Variants in SCAMP1 observed in about 807,000 individuals in gnomAD.
SCAMP1 encodes secretory carrier-associated membrane protein 1.
In SCAMP1, 15 loss-of-function variants were observed where a neutral mutation model predicts 41.8. The ratio of observed to expected loss-of-function variants is 0.36; its 90% confidence interval spans 0.24 to 0.55. The LOEUF (loss-of-function observed/expected upper bound fraction) is 0.55. SCAMP1 is among the 20% of genes least tolerant of loss of function. SCAMP1 has a pLI of 0.86. For synonymous variants in SCAMP1, 135 were observed against 136.8 expected (o/e 0.99, Z 0.09); for missense variants, 341 against 412.6 (o/e 0.83, Z 1.50).
At chr5:78,411,141 A>G (rs1048554457) in intron 2 of SCAMP1, among the ~76,000 whole-genome samples, 1 of 152,104 alleles carries the variant, frequency 6.6e-6, no homozygotes, top group Non-Finnish European at 1.5e-5. Flanking sequence ...CTTTAGTTTA[A>G]TTAGATCTCA....
At chr5:78,432,372 T>C (rs66602879) in intron 6 of SCAMP1, among the ~76,000 whole-genome samples, 56,283 of 151,980 alleles carry the variant, frequency 0.37, 12,551 homozygotes, top group Non-Finnish European at 0.5. Flanking sequence ...TTTAATATTT[T>C]TGGTAGAACA....
chr5:78,454,958 A>G (rs1161010283), intron 7 of SCAMP1, among the ~76,000 whole-genome samples: 9 of 152,070 alleles, frequency 5.9e-5, no homozygotes, highest in Admixed American at 2.6e-4. Flanking sequence ...TAGATTTTCT[A>G]GTTGATTTGC....
intron 2 of SCAMP1, among the ~76,000 whole-genome samples, chr5:78,408,957 T>G (rs1334196584): frequency 6.6e-6 from 1 of 152,202 alleles, no homozygotes; most frequent in African/African-American, 2.4e-5. Flanking sequence ...TCCTCCCTTC[T>G]ACATCCAGAA....
At chr5:78,389,727 A>T (rs1336740357) in intron 2 of SCAMP1, among the ~76,000 whole-genome samples, 7 of 151,578 alleles carry the variant, frequency 4.6e-5, no homozygotes, top group Non-Finnish European at 8.8e-5. Context: ...TTTTTTTTTT[A>T]AAGTTCTTTT....
At chr5:78,457,235 C>T (rs938523971) in intron 7 of SCAMP1, among the ~76,000 whole-genome samples, 38 of 152,344 alleles carry the variant, frequency 2.5e-4, no homozygotes, top group African/African-American at 8.4e-4. Flanking sequence ...TGAGGAACTG[C>T]GTTCCTTTGG....
rs1424566762 is a variant in SCAMP1, at chr5:78,480,041, A to G, written c.*4373A>G. Among the ~76,000 whole-genome samples, 4 of 131,170 alleles carry G rather than the reference A, an allele frequency of 3.0e-5. No homozygotes were observed. Among genetic ancestry groups the G allele is most frequent in the East Asian group, 5.8e-4 (2 of 3,426 alleles). 86.1% of individuals were successfully genotyped at this position (131,170 alleles called of 152,430 possible). ...AGCCTGGGCGACAGAGCGAGACTCCATCTCAAGAAAAAAAAAAAAGAATTT... is the reference window on the plus strand; with the variant it reads ...AGCCTGGGCGACAGAGCGAGACTCCGTCTCAAGAAAAAAAAAAAAGAATTT... On this transcript the variant is annotated 3_prime_UTR_variant, in exon 9 of 9. Transcript: ENST00000621999.
intron 5 of SCAMP1, among the ~76,000 whole-genome samples, chr5:78,421,465 C>T (rs189693520): frequency 1.3e-5 from 2 of 152,138 alleles, no homozygotes; most frequent in Admixed American, 1.3e-4. Flanking sequence ...TGCTTTTCTT[C>T]TTGGGCTTCA....
At chr5:78,447,361 T>TG (rs1753077031) in intron 6 of SCAMP1, among the ~76,000 whole-genome samples, 1 of 47,390 alleles carries the variant, frequency 2.1e-5, no homozygotes, top group Non-Finnish European at 5.9e-5. Flanking sequence ...ATTTGAAGAC[T>TG]TACTAGAAAA....
chr5:78,461,445 T>C (rs1237918605), intron 8 of SCAMP1, among the ~76,000 whole-genome samples: 1 of 152,220 alleles, frequency 6.6e-6, no homozygotes, highest in Non-Finnish European at 1.5e-5. Context: ...CTTTCCCCAT[T>C]GTTCATTATT....
chr5:78,472,276 A>G (rs370087687), intron 8 of SCAMP1, among the ~76,000 whole-genome samples: 15 of 152,094 alleles, frequency 9.9e-5, no homozygotes, highest in African/African-American at 3.6e-4. Flanking sequence ...GTTCTGGGAT[A>G]CATGTGCAGA....
chr5:78,414,690 G>A (rs188288628), intron 2 of SCAMP1, among the ~76,000 whole-genome samples: 6 of 152,270 alleles, frequency 3.9e-5, no homozygotes, highest in Non-Finnish European at 7.4e-5. Context: ...CCCATTGATG[G>A]ACTTGTAGAT....
At chr5:78,474,111 G>A (rs1389208013) in intron 8 of SCAMP1, among the ~76,000 whole-genome samples, 5 of 152,000 alleles carry the variant, frequency 3.3e-5, no homozygotes, top group Non-Finnish European at 5.9e-5. Flanking sequence ...AGGTTGGAGT[G>A]GAAGGCTGGG....
intron 1 of SCAMP1, among the ~76,000 whole-genome samples, chr5:78,361,241 A>G (rs570976987): frequency 9.9e-5 from 15 of 151,774 alleles, no homozygotes; most frequent in African/African-American, 3.1e-4. Flanking sequence ...ATTAAAAAAA[A>G]AAAGGTTATG....
intron 1 of SCAMP1, among the ~76,000 whole-genome samples, chr5:78,387,975 C>G (rs114771865): frequency 2.0e-5 from 3 of 152,096 alleles, no homozygotes; most frequent in African/African-American, 7.2e-5. Flanking sequence ...GAGGATCAGG[C>G]GGTGGCAGGA....
intron 6 of SCAMP1, among the ~76,000 whole-genome samples, chr5:78,449,211 C>A (rs911730844): frequency 6.6e-6 from 1 of 151,804 alleles, no homozygotes; most frequent in Non-Finnish European, 1.5e-5. Context: ...ACAATAATAA[C>A]TTTATTTATA....
intron 8 of SCAMP1, among the ~76,000 whole-genome samples, chr5:78,470,557 G>C (rs1338764073): frequency 3.3e-5 from 5 of 152,092 alleles, no homozygotes; most frequent in Non-Finnish European, 1.5e-5. Flanking sequence ...TTGTTTATCT[G>C]TTGATGGGCA....
chr5:78,424,727 AAG>A (rs1752423936), intron 6 of SCAMP1, among the ~76,000 whole-genome samples: 1 of 152,218 alleles, frequency 6.6e-6, no homozygotes, highest in Admixed American at 6.5e-5. Context: ...CTCAAAAAAA[AAG>A]AAGAAAAACA....
intron 1 of SCAMP1, among the ~76,000 whole-genome samples, chr5:78,370,057 A>G (rs78233606): frequency 0.02 from 3,036 of 152,346 alleles, 114 homozygotes; most frequent in African/African-American, 0.068. Context: ...AAGAATTTCA[A>G]TCTCTGTGAA....
At chr5:78,470,047 A>C (rs1753848201) in intron 8 of SCAMP1, among the ~76,000 whole-genome samples, 1 of 151,856 alleles carries the variant, frequency 6.6e-6, no homozygotes, top group South Asian at 2.1e-4. Context: ...CTATGATTGC[A>C]TACCACTACA....
Sources: allele counts gnomAD v4.1 joint callset (sites outside exome capture counted in the v4.1 genomes callset), GRCh38; gene constraint gnomAD v4.1.1; transcripts MANE v1.5; gene names NCBI Gene and HGNC (gene_info 2026-07-23, HGNC 2026-07-21).